The following DPH6 variants were observed in gnomAD, a reference collection of about 807,000 sequenced individuals.
DPH6 encodes diphthine--ammonia ligase.
In DPH6, 33 loss-of-function variants were observed where a neutral mutation model predicts 38.2. That is an observed-to-expected ratio of 0.86 (90% CI 0.65 to 1.15). The LOEUF is 1.15. Among genes scored for constraint, DPH6 ranks in the 50% most tolerant of loss-of-function variants. DPH6 has a pLI of 0.00. For missense variants in DPH6, 325 were observed against 320.0 expected (o/e 1.02, Z -0.12); for synonymous variants, 108 against 103.0 (o/e 1.05, Z -0.30).
At chr15:35,525,947 A>C (rs1033523329) in intron 3 of DPH6, among the ~76,000 whole-genome samples, 1 of 152,180 alleles carries the variant, frequency 6.6e-6, no homozygotes, top group Non-Finnish European at 1.5e-5. Flanking sequence ...TCCTATCTTA[A>C]AGTAGTGCAT....
intron 3 of DPH6, chr15:35,298,730 T>C (rs1035451560): frequency 5.1e-6 from 8 of 1,580,846 alleles, no homozygotes; most frequent in Non-Finnish European, 6.9e-6. Flanking sequence ...CTGTATGATC[T>C]TGTGCGCCAC....
chr15:35,487,486 C>T (rs1029019309), intron 3 of DPH6, among the ~76,000 whole-genome samples: 1 of 152,252 alleles, frequency 6.6e-6, no homozygotes, highest in African/African-American at 2.4e-5. Context: ...GGGGCTCGTA[C>T]CCTCTGAAGC....
At chr15:35,267,666 C>A (rs2051791614) in intron 3 of DPH6, among the ~76,000 whole-genome samples, 1 of 152,162 alleles carries the variant, frequency 6.6e-6, no homozygotes, top group Admixed American at 6.5e-5. Flanking sequence ...TGGTTTCAGA[C>A]ACCTTGTTAA....
chr15:35,322,478 T>C (rs2052249141), intron 3 of DPH6, among the ~76,000 whole-genome samples: 2 of 152,236 alleles, frequency 1.3e-5, no homozygotes, highest in South Asian at 2.1e-4. Flanking sequence ...TTTCTTTTAC[T>C]ATCATAATTT....
intron 3 of DPH6, among the ~76,000 whole-genome samples, chr15:35,527,419 T>C (rs371617946): frequency 5.4e-4 from 83 of 152,294 alleles, no homozygotes; most frequent in African/African-American, 1.9e-3. Context: ...TGGAGTCTCA[T>C]AGGAAATAAA....
intron 1 of DPH6, 119 bp downstream of exon 1, chr15:35,546,000 G>A: frequency 1.0e-6 from 1 of 952,680 alleles, no homozygotes. Context: ...GCTCGGAGGA[G>A]CCGCGGAACC....
the DPH6 span, among the ~76,000 whole-genome samples, chr15:35,185,974 T>C: frequency 6.6e-6 from 1 of 152,048 alleles, no homozygotes; most frequent in South Asian, 2.1e-4. Context: ...GACCTCGTGA[T>C]CCGCTTGCCT....
chr15:35,539,269 CATT>C (rs1170795143), intron 2 of DPH6, among the ~76,000 whole-genome samples: 11 of 151,802 alleles, frequency 7.2e-5, no homozygotes, highest in African/African-American at 1.7e-4. Flanking sequence ...ATACTTATCA[CATT>C]ATTTATAATA....
intron 3 of DPH6, among the ~76,000 whole-genome samples, chr15:35,241,229 G>A (rs1454883025): frequency 7.0e-6 from 1 of 143,658 alleles, no homozygotes; most frequent in Non-Finnish European, 1.5e-5. Context: ...GATCTTCTCG[G>A]CTTAGCAGCT....
At chr15:35,420,890 C>G (rs1306743467) in intron 5 of DPH6, among the ~76,000 whole-genome samples, 1 of 151,962 alleles carries the variant, frequency 6.6e-6, no homozygotes, top group Non-Finnish European at 1.5e-5. Context: ...GGGCAGGACT[C>G]AAATAAATAA....
intron 3 of DPH6, among the ~76,000 whole-genome samples, chr15:35,516,780 A>T (rs964260345): frequency 1.3e-5 from 2 of 152,142 alleles, no homozygotes; most frequent in African/African-American, 2.4e-5. Context: ...CAACTCAGTG[A>T]TGGAGATGAA....
At chr15:35,405,057 T>C (rs1409741399) in intron 6 of DPH6, among the ~76,000 whole-genome samples, 2 of 151,652 alleles carry the variant, frequency 1.3e-5, no homozygotes, top group African/African-American at 4.9e-5. Context: ...TGTTTCTGGG[T>C]TCTCTATCCT....
At chr15:35,539,977 C>T (rs888976151) in intron 2 of DPH6, among the ~76,000 whole-genome samples, 6 of 152,018 alleles carry the variant, frequency 3.9e-5, no homozygotes, top group Admixed American at 1.3e-4. Flanking sequence ...AAAAACCTTT[C>T]GGCCTTCTCT....
At chr15:35,480,894 A>G (rs1422294455) in intron 3 of DPH6, among the ~76,000 whole-genome samples, 1 of 152,092 alleles carries the variant, frequency 6.6e-6, no homozygotes, top group East Asian at 1.9e-4. Flanking sequence ...TTGTAATATC[A>G]CCATTTACAA....
intron 3 of DPH6, among the ~76,000 whole-genome samples, chr15:35,267,256 A>C (rs1288459371): frequency 3.3e-5 from 5 of 152,104 alleles, no homozygotes; most frequent in African/African-American, 4.8e-5. Flanking sequence ...ATTGGGTGAG[A>C]TGCCTTGATC....
chr15:35,384,712 G>A (rs1012164402), intron 6 of DPH6, among the ~76,000 whole-genome samples: 2 of 151,948 alleles, frequency 1.3e-5, no homozygotes, highest in African/African-American at 4.8e-5. Flanking sequence ...GAGAACCACT[G>A]GCATAGTTGT....
At chr15:35,544,970 G>A (rs995212621) in intron 1 of DPH6, among the ~76,000 whole-genome samples, 11 of 152,142 alleles carry the variant, frequency 7.2e-5, no homozygotes, top group Non-Finnish European at 1.6e-4. Context: ...GACATTTACT[G>A]AACAACAATA....
chr15:35,214,004 C>T (rs570837330), downstream of DPH6, among the ~76,000 whole-genome samples: 20 of 151,886 alleles, frequency 1.3e-4, no homozygotes, highest in Middle Eastern at 6.8e-3. Context: ...CCCAGCTACT[C>T]GCGAGGCTGA....
At position 35,538,450 on chromosome 15, in the gene DPH6, C is replaced by T. The variant is rs143353998; in HGVS notation, c.136G>A (p.Asp46Asn). The change falls in exon 3 of 9, where the codon GAT (aspartate) becomes AAT (asparagine). Residue 46 changes from aspartate (D) to asparagine (N), a missense_variant. Transcript: ENST00000256538. ...AENQVGSDELDSYMYQTVGHH... is the reference protein window; with the variant it reads ...AENQVGSDELNSYMYQTVGHH... ...CCCACTGTCTGATACATGTAGCTAT[C>T]CAGTTCATCAGACCCCACTGCAACA... The T allele has an allele frequency of 1.3e-3, 2,036 of 1,552,386 alleles. 3 individuals carry two copies. Among genetic ancestry groups the T allele is most frequent in the Non-Finnish European group, 1.7e-3 (1,957 of 1,135,580 alleles).
Sources: allele counts gnomAD v4.1 joint callset (sites outside exome capture counted in the v4.1 genomes callset), GRCh38; gene constraint gnomAD v4.1.1; transcripts MANE v1.5; gene names NCBI Gene and HGNC (gene_info 2026-07-23, HGNC 2026-07-21).